CRB1: variants seen among roughly 807,000 people sequenced by gnomAD.
The protein encoded by CRB1 is crumbs cell polarity complex component 1, also known as protein crumbs homolog 1.
CRB1 carries 83 observed loss-of-function variants against 120.0 expected under a neutral mutation model. That is an observed-to-expected ratio of 0.69 (90% CI 0.58 to 0.83). The LOEUF (loss-of-function observed/expected upper bound fraction) is 0.83. Ranked by LOEUF, CRB1 falls within the 40% of genes least tolerant of loss-of-function variation. The probability of loss-of-function intolerance (pLI) is 0.00; values close to 1 mark genes in which losing one functional copy is unlikely to be tolerated. For synonymous variants in CRB1, 625 were observed against 612.5 expected, an observed-to-expected ratio of 1.02 and a Z score of -0.30; for missense variants, 1,699 against 1,687.6, an observed-to-expected ratio of 1.01 and a Z score of -0.12.
intron 5 of CRB1, chr1:197,413,901 T>C (rs1295096149): frequency 1.1e-5 from 5 of 456,488 alleles, no homozygotes; most frequent in Admixed American, 4.7e-5. Flanking sequence ...AAACTCACTC[T>C]GTCAACCTAG....
chr1:197,378,294 C>G (rs887848093), intron 5 of CRB1, among the ~76,000 whole-genome samples: 1 of 152,184 alleles, frequency 6.6e-6, no homozygotes, highest in Non-Finnish European at 1.5e-5. Flanking sequence ...GTCCTGCTCT[C>G]CACAATCTAA....
chr1:197,414,370 A>G (rs1047682927), intron 5 of CRB1, among the ~76,000 whole-genome samples: 2 of 152,154 alleles, frequency 1.3e-5, no homozygotes, highest in African/African-American at 2.4e-5. Flanking sequence ...GACAAAAATC[A>G]TCTTCATATC....
At chr1:197,381,235 C>A (rs1661939735) in intron 5 of CRB1, among the ~76,000 whole-genome samples, 1 of 152,100 alleles carries the variant, frequency 6.6e-6, no homozygotes. Flanking sequence ...CCTGTTCAGG[C>A]ATTATGCATT....
intron 4 of CRB1, among the ~76,000 whole-genome samples, chr1:197,350,669 A>G (rs61829561): frequency 0.023 from 3,457 of 152,346 alleles, 56 homozygotes; most frequent in Non-Finnish European, 0.035. Context: ...TTTTGGTACA[A>G]TAAGAGGCTA....
chr1:197,349,860 G>A (rs936536148), intron 4 of CRB1, among the ~76,000 whole-genome samples: 6 of 151,996 alleles, frequency 3.9e-5, no homozygotes, highest in Non-Finnish European at 1.5e-5. Flanking sequence ...CAGCACTTTG[G>A]GAGGCCGAGG....
chr1:197,388,644 A>G (rs762071570), intron 5 of CRB1, among the ~76,000 whole-genome samples: 5 of 152,122 alleles, frequency 3.3e-5, no homozygotes, highest in Non-Finnish European at 5.9e-5. Flanking sequence ...TAAGATGGCT[A>G]TGGAAGAGTT....
rs1379531962 is a variant in CRB1 at position 197,436,437 on chromosome 1, C to T, written c.3749+825C>T. On this transcript the variant is annotated intron_variant, in intron 9 of 11. Transcript: ENST00000367400. ...CATCCACATATAAGTGAATCCACAC[C>T]ATTCAAACATGTGTTGTTCAAGGGT... is the stretch of plus-strand genomic sequence containing the variant. 2.0e-5 allele frequency among the ~76,000 whole-genome samples: 3 copies of T among 151,746 alleles called. No homozygotes were observed. In the East Asian group the frequency reaches 5.8e-4, roughly 29 times the overall value.
At chr1:197,332,065 G>C (rs1305635213) in intron 2 of CRB1, among the ~76,000 whole-genome samples, 3 of 152,030 alleles carry the variant, frequency 2.0e-5, no homozygotes, top group East Asian at 1.9e-4. Flanking sequence ...GCTTGAATTG[G>C]GGAGGCAGAG....
intron 3 of CRB1, 139 bp from the exon 4 acceptor site, chr1:197,347,201 A>G (rs1659824277): frequency 5.1e-6 from 4 of 777,462 alleles, no homozygotes; most frequent in African/African-American, 1.7e-5. Flanking sequence ...TCAGTCCTGT[A>G]TAGATAATTC....
At chr1:197,325,100 T>G (rs1658418399) in intron 1 of CRB1, among the ~76,000 whole-genome samples, 1 of 152,208 alleles carries the variant, frequency 6.6e-6, no homozygotes, top group South Asian at 2.1e-4. Context: ...CAGGTTTCCT[T>G]GCTCACTCAT....
chr1:197,396,745 C>A (rs1446410886), intron 5 of CRB1, among the ~76,000 whole-genome samples: 1 of 152,120 alleles, frequency 6.6e-6, no homozygotes, highest in Non-Finnish European at 1.5e-5. Flanking sequence ...AAAGCTAGCA[C>A]AATGCATGCA....
chr1:197,381,976 G>A (rs1661979985), intron 5 of CRB1, among the ~76,000 whole-genome samples: 1 of 152,170 alleles, frequency 6.6e-6, no homozygotes, highest in South Asian at 2.1e-4. Flanking sequence ...TAGACTGGAA[G>A]AGGTTTGGCT....
the CRB1 span, among the ~76,000 whole-genome samples, chr1:197,236,628 C>T: frequency 2.0e-5 from 3 of 152,146 alleles, no homozygotes; most frequent in East Asian, 3.9e-4. Context: ...TGTCTTTCAC[C>T]ATTAAAAATA....
the CRB1 span, among the ~76,000 whole-genome samples, chr1:197,237,114 G>A: frequency 6.6e-6 from 1 of 151,316 alleles, no homozygotes; most frequent in Non-Finnish European, 1.5e-5. Context: ...TGCCTCAAAT[G>A]TTTGGTAGAA....
At chr1:197,388,371 G>T (rs966707852) in intron 5 of CRB1, among the ~76,000 whole-genome samples, 1 of 151,728 alleles carries the variant, frequency 6.6e-6, no homozygotes, top group South Asian at 2.1e-4. Flanking sequence ...AAACATTTTC[G>T]GGAGACTAAG....
At chr1:197,458,986 A>G (rs1455728129) in intron 11 of CRB1, among the ~76,000 whole-genome samples, 2 of 152,112 alleles carry the variant, frequency 1.3e-5, no homozygotes. Flanking sequence ...CATATGAGAA[A>G]GATTATTTAT....
chr1:197,259,428 A>C, the CRB1 span, among the ~76,000 whole-genome samples: 2 of 152,264 alleles, frequency 1.3e-5, no homozygotes, highest in African/African-American at 4.8e-5. Flanking sequence ...TAACACAGGA[A>C]CAGAAAACCA....
At chr1:197,429,263 T>G (rs1243070534) in intron 7 of CRB1, among the ~76,000 whole-genome samples, 186 bp from the exon 8 acceptor site, 1 of 152,194 alleles carries the variant, frequency 6.6e-6, no homozygotes, top group Non-Finnish European at 1.5e-5. Flanking sequence ...TCTGCCCTTT[T>G]AGAAAGGAGT....
intron 1 of CRB1, among the ~76,000 whole-genome samples, chr1:197,308,580 T>C (rs569550097): frequency 6.6e-6 from 1 of 152,302 alleles, no homozygotes; most frequent in East Asian, 1.9e-4. Context: ...ATAAATGTTA[T>C]CTATATTCAT....
Sources: gnomAD v4.1 joint callset for allele counts (sites outside exome capture counted in the v4.1 genomes callset) on GRCh38, gnomAD v4.1.1 for gene constraint, MANE v1.5 for transcripts, NCBI Gene and HGNC (gene_info 2026-07-23, HGNC 2026-07-21) for gene names.